The following MED12L variants were observed in gnomAD, a reference collection of about 807,000 sequenced individuals.
MED12L encodes the protein mediator complex subunit 12L.
A neutral mutation model predicts 281.3 loss-of-function variants in MED12L; 60 were observed. That is an observed-to-expected ratio of 0.21 (90% CI 0.17 to 0.26). The LOEUF is 0.26. Among genes scored for constraint, MED12L ranks in the 10% least tolerant of loss-of-function variants. The pLI, the probability that MED12L is intolerant of heterozygous loss-of-function variation, is 1.00. For synonymous variants in MED12L, 974 were observed against 987.2 expected, an observed-to-expected ratio of 0.99 and a Z score of 0.25; for missense variants, 2,146 against 2,680.9, an observed-to-expected ratio of 0.80 and a Z score of 4.41.
intron 16 of MED12L, chr3:151,300,127 A>G: frequency 6.4e-7 from 1 of 1,572,438 alleles, no homozygotes; most frequent in Admixed American, 1.7e-5. Flanking sequence ...ACTGTAAGCA[A>G]AGATGCGTGT....
intron 16 of MED12L, chr3:151,340,638 G>A (rs1751692095): frequency 6.6e-6 from 1 of 152,614 alleles, no homozygotes; most frequent in South Asian, 2.1e-4. Context: ...TATCCAGTAA[G>A]TAGTAGTTAT....
intron 16 of MED12L, among the ~76,000 whole-genome samples, chr3:151,318,775 C>T (rs1011750413): frequency 6.6e-6 from 1 of 152,012 alleles, no homozygotes; most frequent in Non-Finnish European, 1.5e-5. Flanking sequence ...TATCATAGGC[C>T]CTTCTAAGTG....
Position 151,101,454 on chromosome 3 carries a change from C to T in MED12L, c.99+14429C>T, listed in dbSNP as rs188633494. Among the ~76,000 whole-genome samples the T allele has an allele frequency of 3.2e-3, 492 of 152,236 alleles. 1 individual carries two copies. Among genetic ancestry groups the T allele is most frequent in the Middle Eastern group, 0.01 (3 of 294 alleles). On this transcript the variant is annotated intron_variant, in intron 2 of 44. Transcript: ENST00000687756. ...AGTGGCATAGTGATGGAGTTGGACT[C>T]TCTGAGCCCATGCTGTAAACATTCT...
At chr3:151,263,611 T>A (rs1010048110) in intron 16 of MED12L, among the ~76,000 whole-genome samples, 1 of 152,182 alleles carries the variant, frequency 6.6e-6, no homozygotes, top group African/African-American at 2.4e-5. Context: ...CAAATGGGAG[T>A]TTTAAATTTT....
chr3:151,318,401 G>C (rs1748568918), intron 16 of MED12L, among the ~76,000 whole-genome samples: 1 of 151,048 alleles, frequency 6.6e-6, no homozygotes, highest in African/African-American at 2.4e-5. Context: ...ATTTTGAGCA[G>C]AAGGGTTATG....
At chr3:151,199,350 C>G in intron 16 of MED12L, 1 of 1,612,818 alleles carries the variant, frequency 6.2e-7, no homozygotes, top group Non-Finnish European at 8.5e-7. Context: ...GGCTCCAGAT[C>G]TTTATAAACT....
At chr3:151,112,974 G>A (rs755938507) in intron 2 of MED12L, among the ~76,000 whole-genome samples, 1 of 152,160 alleles carries the variant, frequency 6.6e-6, no homozygotes, top group Non-Finnish European at 1.5e-5. Flanking sequence ...CTTGGCCTGC[G>A]TTTGTCAACA....
chr3:151,132,250 A>G (rs1444451560), intron 5 of MED12L, among the ~76,000 whole-genome samples: 1 of 152,208 alleles, frequency 6.6e-6, no homozygotes, highest in South Asian at 2.1e-4. Context: ...CAGTGCTGCC[A>G]CTAAGAGACA....
chr3:151,435,878 TAATGA>T lies in MED12L; in HGVS notation c.*3084_*3088del, dbSNP rs1036255104. On this transcript the variant is annotated 3_prime_UTR_variant, in exon 45 of 45. Coordinates refer to ENST00000687756, the MANE Select transcript of MED12L (RefSeq NM_001393769.1). ...AGCATTTTCCCATCCCATAAAGAAT[TAATGA>T]AATGAAATGCTTATAGAGCAACGAT... The T allele has an allele frequency of 1.3e-5, 2 of 152,130 alleles. No individual in the cohort carries two copies. Among genetic ancestry groups the T allele is most frequent in the African/African-American group, 2.4e-5 (1 of 41,450 alleles). The allele number at this position is 152,130 out of a possible 1,614,324, so 9.4% of individuals were successfully genotyped here.
Position 151,353,265 on chromosome 3 carries a change from T to C in MED12L, c.2399-1856T>C, listed in dbSNP as rs143629869. On this transcript the variant is annotated intron_variant, in intron 17 of 44. Transcript: ENST00000687756. ...GGCATTTTGTGCACAAGACTATTGATGTTAGCTCTTCAGCCTTGGATCAAA... is the reference window on the plus strand; with the variant it reads ...GGCATTTTGTGCACAAGACTATTGACGTTAGCTCTTCAGCCTTGGATCAAA... Among the ~76,000 whole-genome samples the C allele has an allele frequency of 4.0e-3, 616 of 152,344 alleles. 6 individuals are homozygous for C. The highest frequency in any genetic ancestry group is 0.014 in the African/African-American group (591 of 41,576).
In MED12L at chr3:151,390,022, C is replaced by T. The variant is rs760149051; in HGVS notation, c.5495C>T (p.Ser1832Leu). 1.9e-6 allele frequency: 3 copies of T among 1,614,002 alleles called. No homozygotes were observed. The highest frequency in any genetic ancestry group is 1.3e-5 in the African/African-American group (1 of 74,922). Residue 1832 changes from serine (S) to leucine (L), a missense_variant, in exon 38 of 45, where the codon TCG becomes TTG. By Grantham distance (145) the Ser-to-Leu change is moderately radical. Around this residue, in one of 9 missense-constraint regions of MED12L, gnomAD observed 496 missense variants for 512.0 expected, o/e 0.97. Coordinates refer to ENST00000687756, the MANE Select transcript of MED12L (RefSeq NM_001393769.1). Reference sequence around the variant, plus strand: ...ATATACCGAGTGCCTCCTAATTACTCGCCTATCTCCTCCCAAATGATGCAC... The same window carrying T: ...ATATACCGAGTGCCTCCTAATTACTTGCCTATCTCCTCCCAAATGATGCAC... ...SNIYRVPPNY[S>L]PISSQMMHHP...
intron 4 of MED12L, among the ~76,000 whole-genome samples, chr3:151,126,406 G>A (rs906091336): frequency 4.6e-5 from 7 of 152,102 alleles, no homozygotes; most frequent in Admixed American, 3.3e-4. Flanking sequence ...AAGCTTTATG[G>A]TTCTTTGGCA....
At chr3:151,363,172 A>G (rs1754834074) in intron 21 of MED12L, among the ~76,000 whole-genome samples, 1 of 152,160 alleles carries the variant, frequency 6.6e-6, no homozygotes, top group Non-Finnish European at 1.5e-5. Flanking sequence ...AGAGTGGCAC[A>G]TCATAGTGAT....
At chr3:151,206,085 T>C (rs1726310819) in intron 16 of MED12L, among the ~76,000 whole-genome samples, 1 of 150,392 alleles carries the variant, frequency 6.6e-6, no homozygotes, top group Admixed American at 6.6e-5. Context: ...TTTTTTTTTT[T>C]TTTTTTTGCA....
intron 2 of MED12L, among the ~76,000 whole-genome samples, chr3:151,099,724 A>G (rs1721171429): frequency 6.6e-6 from 1 of 152,190 alleles, no homozygotes; most frequent in Non-Finnish European, 1.5e-5. Context: ...TGGTCCGTAA[A>G]CTAACATGCC....
rs141353889 is a variant in MED12L, at chr3:151,152,085, G to GTTTTTTTTTTTTTTTTTTTTTTTT, written c.557-4068_557-4045dup. Among the ~76,000 whole-genome samples, 4 of 62,984 alleles carry GTTTTTTTTTTTTTTTTTTTTTTTT rather than the reference G, an allele frequency of 6.4e-5. 1 individual carries two copies. Among genetic ancestry groups the GTTTTTTTTTTTTTTTTTTTTTTTT allele is most frequent in the African/African-American group, 2.5e-4 (4 of 15,984 alleles). The allele number at this position is 62,984 out of a possible 152,430, so 41.3% of individuals were successfully genotyped here. On this transcript the variant is annotated intron_variant, in intron 5 of 44. Coordinates refer to ENST00000687756, the MANE Select transcript of MED12L (RefSeq NM_001393769.1). ...AAGAATTGTGGATCAGTTGAAGGTG[G>GTTTTTTTTTTTTTTTTTTTTTTTT]TTTTTTTTTTTTTTTTTTTTTTTTT...
chr3:151,428,007 C>T (rs920805908), intron 43 of MED12L, among the ~76,000 whole-genome samples: 6 of 152,190 alleles, frequency 3.9e-5, no homozygotes, highest in Non-Finnish European at 5.9e-5. Context: ...CCTGAATAGA[C>T]ATGAGGCTCT....
At chr3:151,256,510 C>G (rs976681134) in intron 16 of MED12L, among the ~76,000 whole-genome samples, 2 of 152,170 alleles carry the variant, frequency 1.3e-5, no homozygotes, top group Admixed American at 6.5e-5. Flanking sequence ...ATGGCTCCAT[C>G]TTTCTTCCCT....
chr3:151,231,341 C>G (rs530802396), intron 16 of MED12L, among the ~76,000 whole-genome samples: 2 of 152,272 alleles, frequency 1.3e-5, no homozygotes, highest in African/African-American at 4.8e-5. Context: ...ATCTTTCAGT[C>G]TGAAAACATA....
Sources: gnomAD v4.1 joint callset for allele counts (sites outside exome capture counted in the v4.1 genomes callset) on GRCh38, gnomAD v4.1.1 for gene constraint, gnomAD v4.1.1 regional missense constraint, MANE v1.5 for transcripts, NCBI Gene and HGNC (gene_info 2026-07-23, HGNC 2026-07-21) for gene names.